MYRIP: variants seen among roughly 807,000 people sequenced by gnomAD.
MYRIP encodes the protein myosin VIIA and Rab interacting protein.
A neutral mutation model predicts 98.0 loss-of-function variants in MYRIP; 49 were observed. The ratio of observed to expected loss-of-function variants is 0.50; its 90% CI spans 0.40 to 0.63. MYRIP has a LOEUF of 0.63. MYRIP is among the 30% of genes least tolerant of loss of function. The pLI, the probability that MYRIP is intolerant of heterozygous loss-of-function variation, is 0.00. For missense variants in MYRIP, 1,004 were observed against 1,058.2 expected (o/e 0.95, Z 0.71); for synonymous variants, 404 against 409.5 (o/e 0.99, Z 0.16).
chr3:40,029,143 G>C (rs1202449505), intron 2 of MYRIP, among the ~76,000 whole-genome samples: 1 of 152,094 alleles, frequency 6.6e-6, no homozygotes, highest in African/African-American at 2.4e-5. Context: ...CAGTCAATTT[G>C]AGGCTGTTGT....
intron 3 of MYRIP, among the ~76,000 whole-genome samples, chr3:40,113,878 A>G (rs1017037876): frequency 1.3e-5 from 2 of 151,904 alleles, no homozygotes; most frequent in Non-Finnish European, 1.5e-5. Context: ...TTTAGTAGAG[A>G]CAGGGTTTCA....
At chr3:39,906,968 G>A (rs936980523) in intron 2 of MYRIP, among the ~76,000 whole-genome samples, 2 of 152,184 alleles carry the variant, frequency 1.3e-5, no homozygotes, top group African/African-American at 4.8e-5. Context: ...GGTGGGAGAG[G>A]TTAAGACTTG....
chr3:39,943,307 T>G (rs948236268), intron 2 of MYRIP, among the ~76,000 whole-genome samples: 2 of 152,192 alleles, frequency 1.3e-5, no homozygotes, highest in East Asian at 3.9e-4. Context: ...TTATTAAAGT[T>G]TTATGATGAC....
At position 39,809,912 on chromosome 3, in the gene MYRIP, C is replaced by A. The variant is rs1940609381; in HGVS notation, c.-35C>A. 1 of 152,378 alleles carries A rather than the reference C, an allele frequency of 6.6e-6. No homozygotes were observed. Among genetic ancestry groups the A allele is most frequent in the African/African-American group, 2.4e-5 (1 of 41,466 alleles). The allele number at this position is 152,378 out of a possible 1,614,324, so 9.4% of individuals were successfully genotyped here. A position where few individuals can be genotyped will look rare whatever the true frequency, so the allele number is the denominator to read the frequency against. ...CGCGGACTTGCTTCAGGCTGGCCAC[C>A]CCCCGTGAGTACCGTCCGCCTCCCT... On this transcript the variant is annotated 5_prime_UTR_variant, in exon 1 of 17. Coordinates refer to ENST00000302541, the MANE Select transcript of MYRIP (RefSeq NM_015460.4).
At chr3:39,953,442 T>A (rs1428750547) in intron 2 of MYRIP, among the ~76,000 whole-genome samples, 1 of 152,226 alleles carries the variant, frequency 6.6e-6, no homozygotes, top group South Asian at 2.1e-4. Flanking sequence ...TGTTTTTAAT[T>A]CATTGATTAA....
chr3:40,035,901 A>G (rs1203257743), intron 2 of MYRIP, among the ~76,000 whole-genome samples: 1 of 151,972 alleles, frequency 6.6e-6, no homozygotes, highest in Non-Finnish European at 1.5e-5. Flanking sequence ...TAAATAGTAG[A>G]GAAAATGCAG....
At chr3:39,958,366 A>G (rs1288225159) in intron 2 of MYRIP, among the ~76,000 whole-genome samples, 1 of 152,220 alleles carries the variant, frequency 6.6e-6, no homozygotes, top group African/African-American at 2.4e-5. Context: ...GCCCTCAGAA[A>G]TAATGCCACA....
chr3:39,979,468 G>A (rs1327440860), intron 2 of MYRIP, among the ~76,000 whole-genome samples: 3 of 151,910 alleles, frequency 2.0e-5, no homozygotes, highest in South Asian at 2.1e-4. Context: ...GAGAAACCCC[G>A]TCTCTACTAA....
chr3:40,085,042 G>A (rs56172548), intron 3 of MYRIP, among the ~76,000 whole-genome samples: 4 of 150,468 alleles, frequency 2.7e-5, no homozygotes, highest in South Asian at 4.2e-4. Context: ...GTTATATATC[G>A]ATAGATATAT....
At chr3:40,102,146 C>T (rs1575538956) in intron 3 of MYRIP, among the ~76,000 whole-genome samples, 3 of 152,244 alleles carry the variant, frequency 2.0e-5, no homozygotes, top group South Asian at 4.2e-4. Flanking sequence ...CTGTGGGTGC[C>T]CCTGCCCTTG....
intron 3 of MYRIP, among the ~76,000 whole-genome samples, chr3:40,079,512 A>G (rs906689005): frequency 2.0e-5 from 3 of 152,188 alleles, no homozygotes; most frequent in African/African-American, 7.2e-5. Flanking sequence ...CCTTAACCTT[A>G]AAGTAGGTAC....
chr3:39,910,654 T>C (rs1943999657), intron 2 of MYRIP, among the ~76,000 whole-genome samples: 1 of 152,256 alleles, frequency 6.6e-6, no homozygotes, highest in African/African-American at 2.4e-5. Flanking sequence ...TGATTACACA[T>C]TGAAATGTTT....
At chr3:40,071,257 TG>T (rs1222140401) in intron 3 of MYRIP, 1 of 930,904 alleles carries the variant, frequency 1.1e-6, no homozygotes, top group East Asian at 1.2e-4. Flanking sequence ...GGGGTCAGAA[TG>T]TGAGCCATCA....
At chr3:39,984,611 T>C (rs1216908566) in intron 2 of MYRIP, among the ~76,000 whole-genome samples, 1 of 152,242 alleles carries the variant, frequency 6.6e-6, no homozygotes, top group African/African-American at 2.4e-5. Context: ...CACATTTTCT[T>C]AATCCAGTCT....
rs751216624 is a variant in MYRIP, at chr3:39,849,261, C to T, written c.-31+39345C>T. On this transcript the variant is annotated intron_variant, in intron 1 of 16. Coordinates refer to ENST00000302541, the MANE Select transcript of MYRIP (RefSeq NM_015460.4). Reference sequence around the variant, plus strand: ...CCCATATTCCAGTACCAATGGATGACGGAATAAGGAAAGAAAAAAAATTTC... The same window carrying T: ...CCCATATTCCAGTACCAATGGATGATGGAATAAGGAAAGAAAAAAAATTTC... Among the ~76,000 whole-genome samples the T allele has an allele frequency of 1.8e-4, 28 of 152,026 alleles. 1 individual carries two copies. The highest frequency in any genetic ancestry group is 1.4e-3 in the East Asian group (7 of 5,178).
chr3:40,052,961 T>C (rs1947820979), intron 3 of MYRIP, among the ~76,000 whole-genome samples: 1 of 152,078 alleles, frequency 6.6e-6, no homozygotes, highest in Non-Finnish European at 1.5e-5. Flanking sequence ...GAAAAGGAAA[T>C]ATACAATCAA....
intron 12 of MYRIP, among the ~76,000 whole-genome samples, chr3:40,235,407 T>G (rs1049289963): frequency 1.3e-5 from 2 of 152,066 alleles, no homozygotes; most frequent in African/African-American, 4.8e-5. Flanking sequence ...TTGAAAGGCA[T>G]GTCATCAGCT....
At position 40,217,092 on chromosome 3, in the gene MYRIP, A is replaced by G. The variant is rs186509259; in HGVS notation, c.1905+6999A>G. The stretch of plus-strand genomic sequence containing the variant: ...GGTTTACAAAACCTGAACAGACCAC[A>G]GAAGAAATTGGCAAAGTAGTCAAGG... On this transcript the variant is annotated intron_variant, in intron 11 of 16. Coordinates refer to ENST00000302541, the MANE Select transcript of MYRIP (RefSeq NM_015460.4). Among the ~76,000 whole-genome samples, 175 of 152,368 alleles carry G rather than the reference A, an allele frequency of 1.1e-3. 3 individuals carry two copies. In the South Asian group the frequency reaches 0.015, roughly 13 times the overall value.
intron 1 of MYRIP, among the ~76,000 whole-genome samples, chr3:39,825,103 T>C (rs913478696): frequency 1.3e-5 from 2 of 152,142 alleles, no homozygotes; most frequent in Non-Finnish European, 2.9e-5. Flanking sequence ...TTTGGTAGAG[T>C]ATTTTGATTT....
Sources: gnomAD v4.1 joint callset for allele counts (sites outside exome capture counted in the v4.1 genomes callset) on GRCh38, gnomAD v4.1.1 for gene constraint, MANE v1.5 for transcripts, NCBI Gene and HGNC (gene_info 2026-07-23, HGNC 2026-07-21) for gene names.